The following CBX8 variants were observed in gnomAD, a reference collection of about 807,000 sequenced individuals.
CBX8 encodes chromobox protein homolog 8.
CBX8 carries 8 observed loss-of-function variants against 39.7 expected under a neutral mutation model. That is an observed-to-expected ratio of 0.20 (90% CI 0.12 to 0.36). The LOEUF is 0.36. Among genes scored for constraint, CBX8 ranks in the 10% least tolerant of loss-of-function variants. CBX8 has a pLI of 1.00. For missense variants in CBX8, 505 were observed against 529.6 expected, an observed-to-expected ratio of 0.95 and a Z score of 0.46; for synonymous variants, 268 against 219.8, an observed-to-expected ratio of 1.22 and a Z score of -1.94.
intron 1 of CBX8, 46 bp from the exon 2 acceptor site, chr17:79,796,586 T>C (rs372627062): frequency 8.1e-6 from 13 of 1,607,384 alleles, no homozygotes; most frequent in Non-Finnish European, 1.0e-5. Flanking sequence ...GAGAAACGCA[T>C]GACGAGGATA....
rs1568508319 is a variant in CBX8 at position 79,796,235 on chromosome 17, T to G, written c.179+15A>C. On this transcript the variant is annotated intron_variant, in intron 3 of 4. Coordinates refer to ENST00000269385, the MANE Select transcript of CBX8 (RefSeq NM_020649.3). ...TGTTTCTAAGTGAGCGGCTGGGACT[T>G]GGAAGGGTCTGTACCTTTCCTCAAA... 2 of 1,614,182 alleles carry G rather than the reference T, an allele frequency of 1.2e-6. No homozygotes were observed. The highest frequency in any genetic ancestry group is 1.7e-6 in the Non-Finnish European group (2 of 1,180,028).
rs748830533 is a variant in CBX8, at chr17:79,797,032, A to C, written c.-34T>G. On this transcript the variant is annotated 5_prime_UTR_variant, in exon 1 of 5. Transcript: ENST00000269385. ...GCCGCTTCCCCCCTTGGCCGCTTCC[A>C]GGAGCAGAAAAGCAGCAGCCAGCGC... The C allele has an allele frequency of 1.3e-6, 2 of 1,595,714 alleles. No homozygotes were observed. The highest frequency in any genetic ancestry group is 1.7e-5 in the Admixed American group (1 of 58,662).
rs1908050659 is a variant in CBX8, at chr17:79,795,491, G to A, written c.314C>T (p.Pro105Leu). 6.4e-7 allele frequency: 1 copy of A among 1,572,648 alleles called. No individual in the cohort carries two copies. Among genetic ancestry groups the A allele is most frequent in the Admixed American group, 1.9e-5 (1 of 53,224 alleles). The change falls in exon 5 of 5, where the codon CCC becomes CTC. Residue 105 changes from proline to leucine, a missense_variant. Coordinates refer to ENST00000269385, the MANE Select transcript of CBX8 (RefSeq NM_020649.3). The surrounding 1 kb of genome is among the most constrained non-coding windows in gnomAD (Gnocchi z 5.8). ...GTCCTGGGGCGAGCGGCCAGGGTAG[G>A]GGATCCGGATGCCCCTGGCTGAGTC... Reference protein sequence around the residue: ...RSDSARGIRIPYPGRSPQDLA... With the variant: ...RSDSARGIRILYPGRSPQDLA...
In CBX8 at chr17:79,793,114, A is replaced by G. The variant is rs1266109239; in HGVS notation, c.*1521T>C. The G allele has an allele frequency of 6.6e-6, 1 of 152,214 alleles. No homozygotes were observed. Among genetic ancestry groups the G allele is most frequent in the Admixed American group, 6.5e-5 (1 of 15,284 alleles). 9.4% of individuals were successfully genotyped at this position (152,214 alleles called of 1,614,324 possible). A position where few individuals can be genotyped will look rare whatever the true frequency, so the allele number is the denominator to read the frequency against. On this transcript the variant is annotated 3_prime_UTR_variant, in exon 5 of 5. Transcript: ENST00000269385. ...CTTTTGAGTCAAAAGAGGGGCGCGC[A>G]TTCTGCGTCCTCGGAGCGCAGAGCG...
At chr17:79,796,592 G>A (rs1049359044) in intron 1 of CBX8, 52 bp from the exon 2 acceptor site, 10 of 1,602,320 alleles carry the variant, frequency 6.2e-6, no homozygotes, top group Admixed American at 1.7e-5. Flanking sequence ...CGCATGACGA[G>A]GATACAAGAA....
chr17:79,792,957 G>GC lies in CBX8; in HGVS notation c.*1677dup, dbSNP rs1391952258. 1 of 151,700 alleles carries GC rather than the reference G, an allele frequency of 6.6e-6. No homozygotes were observed. The highest frequency in any genetic ancestry group is 2.4e-5 in the African/African-American group (1 of 41,290). The allele number at this position is 151,700 out of a possible 1,614,324, so 9.4% of individuals were successfully genotyped here. On this transcript the variant is annotated 3_prime_UTR_variant, in exon 5 of 5. Coordinates refer to ENST00000269385, the MANE Select transcript of CBX8 (RefSeq NM_020649.3). ...GTCTGTGCTTCCTCTGGCGTGCAGG[G>GC]CCCCCGCGCCCCTCCCTCAACAAGC...
At position 79,794,805 on chromosome 17, in the gene CBX8, TGAGG is replaced by T; in HGVS notation, c.996_999del (p.Leu333SerfsTer22). The stretch of plus-strand genomic sequence containing the variant: ...ATTCTGGCCACAGGGATCCTGGCGA[TGAGG>T]GAGGGCCTTCCCCCCTGGGCCCCCA... On this transcript the variant is annotated frameshift_variant, in exon 5 of 5. Transcript: ENST00000269385. LOFTEE classifies it high-confidence loss of function. 1 of 1,612,080 alleles carries T rather than the reference TGAGG, an allele frequency of 6.2e-7. No individual in the cohort carries two copies. Among genetic ancestry groups the T allele is most frequent in the Non-Finnish European group, 8.5e-7 (1 of 1,178,748 alleles).
At position 79,793,930 on chromosome 17, in the gene CBX8, T is replaced by A. The variant is rs1266789998; in HGVS notation, c.*705A>T. 6.6e-6 allele frequency: 1 copy of A among 152,190 alleles called. No individual in the cohort carries two copies. Among genetic ancestry groups the A allele is most frequent in the Non-Finnish European group, 1.5e-5 (1 of 68,036 alleles). The allele number at this position is 152,190 out of a possible 1,614,324, so 9.4% of individuals were successfully genotyped here. A position where few individuals can be genotyped will look rare whatever the true frequency, so the allele number is the denominator to read the frequency against. On this transcript the variant is annotated 3_prime_UTR_variant, in exon 5 of 5. Transcript: ENST00000269385. ...CCTCCCTAAAGTGCATTTCCTGGTG[T>A]GGTCCTGGGGAGAAACCTCCTGTCC... is the stretch of plus-strand genomic sequence containing the variant.
rs748996167 is a variant in CBX8, at chr17:79,795,332, C to T, written c.473G>A (p.Arg158Gln). 12 of 1,583,328 alleles carry T rather than the reference C, an allele frequency of 7.6e-6. No homozygotes were observed. The highest frequency in any genetic ancestry group is 5.5e-5 in the Admixed American group (3 of 54,592). Reference sequence around the variant, plus strand: ...CCTCTCCCTTTCTCGATCCCGCTCCCGGTCCCTATCCCGGTCTCGGTCCCG... The same window carrying T: ...CCTCTCCCTTTCTCGATCCCGCTCCTGGTCCCTATCCCGGTCTCGGTCCCG... ...RDRDRDRDRD[R>Q]ERDRERERER... Residue 158 changes from arginine to glutamine, a missense_variant, in exon 5 of 5, where the codon CGG (arginine) becomes CAG (glutamine). Transcript: ENST00000269385. This position sits in a 1 kb window ranked among gnomAD's most constrained non-coding sequence, Gnocchi z 5.8.
At position 79,795,445 on chromosome 17, in the gene CBX8, G is replaced by A. The variant is rs1568507989; in HGVS notation, c.360C>T (p.Ala120=). The part of the protein sequence containing the change: ...SPQDLASTSR[A]REGLRNMGLS... The stretch of plus-strand genomic sequence containing the variant: ...AACCCATGTTTCGAAGGCCCTCCCG[G>A]GCCCGGGAAGTGGAGGCCAGGTCCT... Residue 120 remains alanine, a synonymous_variant, in exon 5 of 5, where the codon GCC becomes GCT. Transcript: ENST00000269385. This position sits in a 1 kb window ranked among gnomAD's most constrained non-coding sequence, Gnocchi z 5.8. 3 of 1,606,440 alleles carry A rather than the reference G, an allele frequency of 1.9e-6. No individual in the cohort carries two copies. The highest frequency in any genetic ancestry group is 1.1e-5 in the South Asian group (1 of 89,724).
At chr17:79,796,452 C>T (rs1908095814) in intron 2 of CBX8, 45 bp downstream of exon 2, 2 of 1,613,012 alleles carry the variant, frequency 1.2e-6, no homozygotes, top group East Asian at 4.5e-5. Context: ...AAAGAAACCT[C>T]CCGAATAACA....
chr17:79,796,524 A>T lies in CBX8; in HGVS notation c.86T>A (p.Leu29His). ...CTGCGACCATCCCTTCCATTTCACG[A>T]GGTATTCCATGCGTCCCTGCGGGTG... is the stretch of plus-strand genomic sequence containing the variant. ...RRIRKGRMEY[L>H]VKWKGWSQKY... Residue 29 changes from leucine to histidine, a missense_variant, in exon 2 of 5, where the codon CTC (leucine) becomes CAC (histidine). Transcript: ENST00000269385. The T allele has an allele frequency of 6.2e-7, 1 of 1,614,144 alleles. No individual in the cohort carries two copies. The highest frequency in any genetic ancestry group is 1.7e-5 in the Admixed American group (1 of 60,020).
Position 79,795,328 on chromosome 17 carries a change from C to G in CBX8, c.477G>C (p.Glu159Asp), listed in dbSNP as rs530891614. 11 of 1,582,542 alleles carry G rather than the reference C, an allele frequency of 7.0e-6. No homozygotes were observed. The highest frequency in any genetic ancestry group is 9.5e-6 in the Non-Finnish European group (11 of 1,162,902). Reference sequence around the variant, plus strand: ...GCTCCCTCTCCCTTTCTCGATCCCGCTCCCGGTCCCTATCCCGGTCTCGGT... The same window carrying G: ...GCTCCCTCTCCCTTTCTCGATCCCGGTCCCGGTCCCTATCCCGGTCTCGGT... The part of the protein sequence containing the change: ...DRDRDRDRDR[E>D]RDRERERERE... Residue 159 changes from glutamate (E) to aspartate (D), a missense_variant, in exon 5 of 5, where the codon GAG becomes GAC. Glu to Asp is a conservative substitution (Grantham distance 45). Transcript: ENST00000269385. This position sits in a 1 kb window ranked among gnomAD's most constrained non-coding sequence, Gnocchi z 5.8.
rs1908109241 is a variant in CBX8, at chr17:79,796,767, A to C, written c.69+163T>G. Among the ~76,000 whole-genome samples, 6 of 122,204 alleles carry C rather than the reference A, an allele frequency of 4.9e-5. No homozygotes were observed. The South Asian group carries it at 1.8e-3, about 36-fold the overall frequency. The allele number at this position is 122,204 out of a possible 152,430, so 80.2% of individuals were successfully genotyped here. On this transcript the variant is annotated intron_variant, in intron 1 of 4. Coordinates refer to ENST00000269385, the MANE Select transcript of CBX8 (RefSeq NM_020649.3). ...GCAATCCGTGCATCGCTGCAAGTCTAAGGAAAGCGCCTGGGCTCAGAGCTG... is the reference window on the plus strand; with the variant it reads ...GCAATCCGTGCATCGCTGCAAGTCTCAGGAAAGCGCCTGGGCTCAGAGCTG...
In CBX8 at chr17:79,795,756, G is replaced by T. The variant is rs900566627; in HGVS notation, c.247-198C>A. The stretch of plus-strand genomic sequence containing the variant: ...GGCTGTTGGAGCTGAGAGGTAGAAG[G>T]ATGAGAGAAGAGGTAGAAGATTTGG... On this transcript the variant is annotated intron_variant, in intron 4 of 4. Coordinates refer to ENST00000269385, the MANE Select transcript of CBX8 (RefSeq NM_020649.3). The surrounding 1 kb of genome is among the most constrained non-coding windows in gnomAD (Gnocchi z 5.8). Among the ~76,000 whole-genome samples the T allele has an allele frequency of 3.9e-5, 6 of 152,178 alleles. No homozygotes were observed. The highest frequency in any genetic ancestry group is 9.7e-5 in the African/African-American group (4 of 41,444).
At position 79,795,020 on chromosome 17, in the gene CBX8, C is replaced by T; in HGVS notation, c.785G>A (p.Gly262Asp). Residue 262 changes from glycine to aspartate, a missense_variant, in exon 5 of 5, where the codon GGT (glycine) becomes GAT (aspartate). This residue lies in a region of CBX8 where 456 missense variants were observed against 389.2 expected (regional missense o/e 1.17). Transcript: ENST00000269385. This position sits in a 1 kb window ranked among gnomAD's most constrained non-coding sequence, Gnocchi z 5.8. ...RRQDSDLVQC[G>D]VTSPSSAEAT... ...CTCAGCTGAGCTAGGGCTGGTCACA[C>T]CACACTGCACCAGGTCCGAGTCCTG... 1.2e-6 allele frequency: 2 copies of T among 1,606,954 alleles called. No individual in the cohort carries two copies. Among genetic ancestry groups the T allele is most frequent in the Non-Finnish European group, 1.7e-6 (2 of 1,176,364 alleles).
chr17:79,796,788 A>AGCT (rs1216968771), intron 1 of CBX8, 142 bp downstream of exon 1: 5 of 614,168 alleles, frequency 8.1e-6, no homozygotes, highest in Non-Finnish European at 1.3e-5. Context: ...CTGGGCTCAG[A>AGCT]GCTGCCGCCG....
At position 79,794,029 on chromosome 17, in the gene CBX8, ATAGACTTCTTTACCTT is replaced by A. The variant is rs1907971806; in HGVS notation, c.*590_*605del. 1 of 151,734 alleles carries A rather than the reference ATAGACTTCTTTACCTT, an allele frequency of 6.6e-6. No individual in the cohort carries two copies. The highest frequency in any genetic ancestry group is 1.5e-5 in the Non-Finnish European group (1 of 67,926). The allele number at this position is 151,734 out of a possible 1,614,324, so 9.4% of individuals were successfully genotyped here. A position where few individuals can be genotyped will look rare whatever the true frequency, so the allele number is the denominator to read the frequency against. On this transcript the variant is annotated 3_prime_UTR_variant, in exon 5 of 5. Coordinates refer to ENST00000269385, the MANE Select transcript of CBX8 (RefSeq NM_020649.3). ...ATTCAAGTTAATACTTTTTTCCCTAATAGACTTCTTTACCTTAAAAAAAAAAAAATAGAAAAAAGGA... is the reference window on the plus strand; with the variant it reads ...ATTCAAGTTAATACTTTTTTCCCTAAAAAAAAAAAAAAATAGAAAAAAGGA...
chr17:79,795,788 G>A lies in CBX8; in HGVS notation c.247-230C>T, dbSNP rs1167580339. The stretch of plus-strand genomic sequence containing the variant: ...GAAGAGGTAGAAGATTTGGCTGGAA[G>A]TAGTCATTTGCAAAAAGTACACTTT... On this transcript the variant is annotated intron_variant, in intron 4 of 4. Transcript: ENST00000269385. The surrounding 1 kb of genome is among the most constrained non-coding windows in gnomAD (Gnocchi z 5.8). Among the ~76,000 whole-genome samples, 2 of 152,214 alleles carry A rather than the reference G, an allele frequency of 1.3e-5. No homozygotes were observed. Among genetic ancestry groups the A allele is most frequent in the Non-Finnish European group, 2.9e-5 (2 of 68,022 alleles).
Sources: gnomAD v4.1 joint callset for allele counts (sites outside exome capture counted in the v4.1 genomes callset) on GRCh38, gnomAD v4.1.1 for gene constraint, gnomAD v4.1.1 regional missense constraint, Gnocchi (gnomAD v3.1) non-coding constraint, MANE v1.5 for transcripts, NCBI Gene and HGNC (gene_info 2026-07-23, HGNC 2026-07-21) for gene names.